Variants in POU2F3 observed in about 807,000 individuals in gnomAD.
The protein encoded by POU2F3 is POU domain, class 2, transcription factor 3.
A neutral mutation model predicts 59.2 loss-of-function variants in POU2F3; 23 were observed. The ratio of observed to expected loss-of-function variants is 0.39; its 90% CI spans 0.28 to 0.55. POU2F3 has a LOEUF of 0.55. Among genes scored for constraint, POU2F3 ranks in the 20% least tolerant of loss-of-function variants. The pLI, the probability that POU2F3 is intolerant of heterozygous loss-of-function variation, is 0.66. For missense variants in POU2F3, 473 were observed against 544.5 expected (o/e 0.87, Z 1.31); for synonymous variants, 190 against 214.6 (o/e 0.89, Z 1.00).
At chr11:120,237,650 G>A (rs1938535066), upstream of POU2F3, among the ~76,000 whole-genome samples, 1 of 152,216 alleles carries the variant, frequency 6.6e-6, no homozygotes, top group Non-Finnish European at 1.5e-5. Flanking sequence ...GGTGCACATG[G>A]CCATGCAAAT....
At chr11:120,299,785 T>C in intron 5 of POU2F3, 59 bp downstream of exon 5, 1 of 1,464,396 alleles carries the variant, frequency 6.8e-7, no homozygotes, top group Non-Finnish European at 9.3e-7. Flanking sequence ...CTGTTGCTGC[T>C]GTTTTTTGCT....
intron 12 of POU2F3, 82 bp from the exon 13 acceptor site, chr11:120,318,271 G>T: frequency 7.3e-7 from 1 of 1,363,704 alleles, no homozygotes; most frequent in South Asian, 1.2e-5. Flanking sequence ...AAAAGCCCCT[G>T]TACCTGCTAG....
intron 3 of POU2F3, among the ~76,000 whole-genome samples, chr11:120,280,408 A>C (rs914556492): frequency 5.3e-5 from 8 of 152,208 alleles, no homozygotes; most frequent in African/African-American, 1.9e-4. Flanking sequence ...TGTGCCAGGC[A>C]CTTTACATAG....
At chr11:120,242,406 T>C (rs888858322) in intron 1 of POU2F3, among the ~76,000 whole-genome samples, 1 of 152,218 alleles carries the variant, frequency 6.6e-6, no homozygotes, top group Non-Finnish European at 1.5e-5. Flanking sequence ...TATCTCATTA[T>C]GGGTCCCTCT....
rs1940759847 is a variant in POU2F3 at position 120,285,811 on chromosome 11, G to T, written c.133-12454G>T. ...TAAAATTTTTAAATAATGTTTATAGGTTGTTTCATGGCAGTACATAGAGAG... is the reference window on the plus strand; with the variant it reads ...TAAAATTTTTAAATAATGTTTATAGTTTGTTTCATGGCAGTACATAGAGAG... On this transcript the variant is annotated intron_variant, in intron 3 of 12. Transcript: ENST00000543440. This position sits in a 1 kb window ranked among gnomAD's most constrained non-coding sequence, Gnocchi z 4.3. 6.6e-6 allele frequency among the ~76,000 whole-genome samples: 1 copy of T among 152,120 alleles called. No individual in the cohort carries two copies. Among genetic ancestry groups the T allele is most frequent in the African/African-American group, 2.4e-5 (1 of 41,416 alleles).
rs368627392 is a variant in POU2F3 at position 120,305,638 on chromosome 11, G to A, written c.628-6G>A. The A allele has an allele frequency of 2.5e-5, 40 of 1,613,492 alleles. No homozygotes were observed. The highest frequency in any genetic ancestry group is 3.1e-5 in the Non-Finnish European group (36 of 1,179,958). The stretch of plus-strand genomic sequence containing the variant: ...CATGTTCCTCCCCCTCGGTCCCCAC[G>A]CTTAGGGAGATGTGGGGCTGGCGAT... On this transcript the variant is annotated splice_region_variant and splice_polypyrimidine_tract_variant and intron_variant, in intron 7 of 12. Coordinates refer to ENST00000543440, the MANE Select transcript of POU2F3 (RefSeq NM_014352.4).
chr11:120,280,826 G>A (rs542729626), intron 3 of POU2F3, among the ~76,000 whole-genome samples: 1 of 152,322 alleles, frequency 6.6e-6, no homozygotes, highest in East Asian at 1.9e-4. Context: ...AGTATCTGCA[G>A]GCTCAGGGAG....
intron 3 of POU2F3, among the ~76,000 whole-genome samples, chr11:120,275,810 C>T (rs1043057633): frequency 6.6e-6 from 1 of 152,216 alleles, no homozygotes; most frequent in African/African-American, 2.4e-5. Context: ...ACACCTGCGC[C>T]AGCTCGTCCT....
At position 120,285,892 on chromosome 11, in the gene POU2F3, T is replaced by A. The variant is rs1048814407; in HGVS notation, c.133-12373T>A. ...GTTCTATTGTTTGGGGGTTTTTCTG[T>A]TTTTTTCTGAGACGGAGTCTTGCTC... On this transcript the variant is annotated intron_variant, in intron 3 of 12. Coordinates refer to ENST00000543440, the MANE Select transcript of POU2F3 (RefSeq NM_014352.4). The surrounding 1 kb of genome is among the most constrained non-coding windows in gnomAD (Gnocchi z 4.3). Among the ~76,000 whole-genome samples the A allele has an allele frequency of 3.2e-5, 3 of 92,600 alleles. No homozygotes were observed. Among genetic ancestry groups the A allele is most frequent in the African/African-American group, 7.8e-5 (2 of 25,492 alleles). The allele number at this position is 92,600 out of a possible 152,430, so 60.7% of individuals were successfully genotyped here.
At chr11:120,277,664 C>T (rs1188247312) in intron 3 of POU2F3, among the ~76,000 whole-genome samples, 4 of 151,984 alleles carry the variant, frequency 2.6e-5, no homozygotes, top group Non-Finnish European at 5.9e-5. Context: ...TGCCTGTAGA[C>T]CCAGCTACTC....
Position 120,317,241 on chromosome 11 carries a change from G to C in POU2F3, c.1148G>C (p.Cys383Ser), listed in dbSNP as rs775084836. ...STMPGTVTSSCSPGNNSRPSS... is the reference protein window; with the variant it reads ...STMPGTVTSSSSPGNNSRPSS... Reference sequence around the variant, plus strand: ...TCCTTATCCTCAGTAACGTCATCCTGTTCCCCTGGGAACAACAGCAGGCCT... The same window carrying C: ...TCCTTATCCTCAGTAACGTCATCCTCTTCCCCTGGGAACAACAGCAGGCCT... Residue 383 changes from cysteine (C) to serine (S), a missense_variant, in exon 12 of 13, where the codon TGT becomes TCT. Coordinates refer to ENST00000543440, the MANE Select transcript of POU2F3 (RefSeq NM_014352.4). 1.2e-6 allele frequency: 2 copies of C among 1,614,138 alleles called. No individual in the cohort carries two copies. Among genetic ancestry groups the C allele is most frequent in the East Asian group, 2.2e-5 (1 of 44,884 alleles).
intron 3 of POU2F3, among the ~76,000 whole-genome samples, chr11:120,294,593 A>G (rs11217800): frequency 1.3e-5 from 2 of 152,246 alleles, no homozygotes. Flanking sequence ...TTGCCTGGAA[A>G]GCTTCCAACC....
intron 2 of POU2F3, among the ~76,000 whole-genome samples, chr11:120,261,624 A>G (rs989690265): frequency 6.6e-6 from 1 of 152,110 alleles, no homozygotes; most frequent in Non-Finnish European, 1.5e-5. Flanking sequence ...CCTTCTGTGT[A>G]CTTAATCTTT....
intron 5 of POU2F3, chr11:120,301,499 C>T (rs1941346131): frequency 6.4e-6 from 1 of 156,178 alleles, no homozygotes; most frequent in Admixed American, 6.5e-5. Flanking sequence ...CCCAGAACAG[C>T]CTAGGGAAAA....
chr11:120,316,680 C>T (rs553928466), intron 11 of POU2F3, among the ~76,000 whole-genome samples: 1 of 152,354 alleles, frequency 6.6e-6, no homozygotes, highest in African/African-American at 2.4e-5. Flanking sequence ...CCTGCCTCAG[C>T]CTCCCAAAAG....
intron 10 of POU2F3, among the ~76,000 whole-genome samples, chr11:120,311,293 A>G (rs1181357140): frequency 6.6e-6 from 1 of 152,218 alleles, no homozygotes; most frequent in Non-Finnish European, 1.5e-5. Context: ...CTCTGACTGC[A>G]GGACAAAGGA....
chr11:120,316,344 A>G (rs1175429749), intron 11 of POU2F3, among the ~76,000 whole-genome samples: 1 of 152,268 alleles, frequency 6.6e-6, no homozygotes, highest in Non-Finnish European at 1.5e-5. Context: ...AAATCAGCAC[A>G]GGCCACAGAG....
upstream of POU2F3, among the ~76,000 whole-genome samples, chr11:120,238,343 G>A (rs1565347410): frequency 6.6e-6 from 1 of 152,118 alleles, no homozygotes; most frequent in Admixed American, 6.6e-5. Context: ...TGGTGTATGT[G>A]GACCTGAAGA....
intron 3 of POU2F3, among the ~76,000 whole-genome samples, chr11:120,289,413 T>C (rs189822869): frequency 4.9e-4 from 74 of 152,326 alleles, no homozygotes; most frequent in Middle Eastern, 3.4e-3. Flanking sequence ...TTCAAATCCA[T>C]ATTCCACAGG....
Sources: gnomAD v4.1 joint callset for allele counts (sites outside exome capture counted in the v4.1 genomes callset) on GRCh38, gnomAD v4.1.1 for gene constraint, Gnocchi (gnomAD v3.1) non-coding constraint, MANE v1.5 for transcripts, NCBI Gene and HGNC (gene_info 2026-07-23, HGNC 2026-07-21) for gene names.